Variants in TASOR2 observed in about 807,000 individuals in gnomAD.
TASOR2 encodes transcription activation suppressor family member 2.
TASOR2 carries 84 observed loss-of-function variants against 199.5 expected under a neutral mutation model. The observed-to-expected ratio is 0.42, with a 90% CI of 0.35 to 0.50. The LOEUF (loss-of-function observed/expected upper bound fraction) is 0.50. Ranked by LOEUF, TASOR2 falls within the 20% of genes least tolerant of loss-of-function variation. The probability of loss-of-function intolerance (pLI) is 0.02; values close to 1 mark genes in which losing one functional copy is unlikely to be tolerated. For synonymous variants in TASOR2, 1,103 were observed against 1,046.6 expected (o/e 1.05, Z -1.04); for missense variants, 2,796 against 2,835.9 (o/e 0.99, Z 0.32).
At chr10:5,688,395 ATTTTTTTTTT>A (rs34362647) in intron 1 of TASOR2, among the ~76,000 whole-genome samples, 80 of 99,882 alleles carry the variant, frequency 8.0e-4, no homozygotes, top group Middle Eastern at 7.1e-3. Context: ...CTAATTTTTA[ATTTTTTTTTT>A]TTTTTTTTTT....
intron 14 of TASOR2, chr10:5,743,858 T>C (rs1288663662): frequency 6.6e-6 from 1 of 151,768 alleles, no homozygotes; most frequent in African/African-American, 2.4e-5. Context: ...TAGGCTTTTG[T>C]TTTTTTGTCA....
chr10:5,738,301 T>C lies in TASOR2; in HGVS notation c.1448-1317T>C, dbSNP rs2131609246. ...AATAACTGGGTGATTTATGTGAGACTATAATATGTTAAACTACCATTTTTC... is the reference window on the plus strand; with the variant it reads ...AATAACTGGGTGATTTATGTGAGACCATAATATGTTAAACTACCATTTTTC... On this transcript the variant is annotated intron_variant, in intron 12 of 20. Transcript: ENST00000328090. This position sits in a 1 kb window ranked among gnomAD's most constrained non-coding sequence, Gnocchi z 4.7. 6.6e-6 allele frequency among the ~76,000 whole-genome samples: 1 copy of C among 152,366 alleles called. No individual in the cohort carries two copies. The highest frequency in any genetic ancestry group is 1.5e-5 in the Non-Finnish European group (1 of 68,042).
At chr10:5,747,820 T>G in exon 15 of TASOR2, 1 of 1,613,844 alleles carries the variant, frequency 6.2e-7, no homozygotes, top group Non-Finnish European at 8.5e-7. Context: ...GCAAGATAAC[T>G]TTACCCAGGT....
chr10:5,735,195 C>G (rs1835400936), intron 11 of TASOR2, 109 bp from the exon 13 acceptor site: 1 of 1,341,562 alleles, frequency 7.5e-7, no homozygotes. Flanking sequence ...TTCCCCATTA[C>G]TAAAGTTACT....
rs566478645 is a variant in TASOR2, at chr10:5,744,771, G to T, written c.2758-1408G>T. Among the ~76,000 whole-genome samples, 8 of 152,244 alleles carry T rather than the reference G, an allele frequency of 5.3e-5. No individual in the cohort carries two copies. In the East Asian group the frequency reaches 1.5e-3, roughly 29 times the overall value. ...AGCCTCCCGAGTAGCTGGGATTACA[G>T]GTGCATGCCACCACTCCTGGGTAAT... On this transcript the variant is annotated intron_variant, in intron 14 of 20. Transcript: ENST00000328090.
intron 15 of TASOR2, among the ~76,000 whole-genome samples, chr10:5,755,367 G>GT (rs1838783654): frequency 6.6e-6 from 1 of 152,002 alleles, no homozygotes; most frequent in African/African-American, 2.4e-5. Flanking sequence ...GAAGTCAGGA[G>GT]TTTGAGACCA....
At position 5,719,654 on chromosome 10, in the gene TASOR2, C is replaced by T. The variant is rs544988671; in HGVS notation, c.-99-890C>T. 3.3e-5 allele frequency among the ~76,000 whole-genome samples: 5 copies of T among 150,954 alleles called. No individual in the cohort carries two copies. The highest frequency in any genetic ancestry group is 9.7e-5 in the African/African-American group (4 of 41,164). On this transcript the variant is annotated intron_variant, in intron 3 of 20. Transcript: ENST00000328090. This position sits in a 1 kb window ranked among gnomAD's most constrained non-coding sequence, Gnocchi z 4.1. ...ACTGTGCCCAGCTGCTTGCTTTTTTCTTTTTTTTTGGAGAGACATGTAACC... is the reference window on the plus strand; with the variant it reads ...ACTGTGCCCAGCTGCTTGCTTTTTTTTTTTTTTTTGGAGAGACATGTAACC...
At position 5,738,863 on chromosome 10, in the gene TASOR2, A is replaced by G. The variant is rs1344504994; in HGVS notation, c.1448-755A>G. ...AAATACCAAGGGAAACCACTGGCAA[A>G]TGTAAATGTTCTGATTAAGGGCATA... is the stretch of plus-strand genomic sequence containing the variant. On this transcript the variant is annotated intron_variant, in intron 12 of 20. Coordinates refer to ENST00000328090, the Ensembl canonical transcript of TASOR2. The surrounding 1 kb of genome is among the most constrained non-coding windows in gnomAD (Gnocchi z 4.7). Among the ~76,000 whole-genome samples, 1 of 152,224 alleles carries G rather than the reference A, an allele frequency of 6.6e-6. No homozygotes were observed. Among genetic ancestry groups the G allele is most frequent in the Non-Finnish European group, 1.5e-5 (1 of 68,044 alleles).
chr10:5,698,544 G>A lies in TASOR2; in HGVS notation c.-288+13369G>A, dbSNP rs1476181158. 2.0e-5 allele frequency among the ~76,000 whole-genome samples: 3 copies of A among 152,112 alleles called. No homozygotes were observed. The highest frequency in any genetic ancestry group is 1.3e-4 in the Admixed American group (2 of 15,272). On this transcript the variant is annotated intron_variant, in intron 1 of 20. Coordinates refer to ENST00000328090, the Ensembl canonical transcript of TASOR2. The surrounding 1 kb of genome is among the most constrained non-coding windows in gnomAD (Gnocchi z 4.4). ...CACAAGTGGTCAAGCTACTGCCTGTGGTCTTGCCTATTTTTGTAAATAAAG... is the reference window on the plus strand; with the variant it reads ...CACAAGTGGTCAAGCTACTGCCTGTAGTCTTGCCTATTTTTGTAAATAAAG...
At chr10:5,686,664 C>T (rs987542456) in intron 1 of TASOR2, among the ~76,000 whole-genome samples, 3 of 152,282 alleles carry the variant, frequency 2.0e-5, no homozygotes, top group Middle Eastern at 3.4e-3. Flanking sequence ...CCATGCTAGC[C>T]AGCACTGGAT....
At chr10:5,688,041 T>A (rs1342092902) in intron 1 of TASOR2, among the ~76,000 whole-genome samples, 1 of 152,248 alleles carries the variant, frequency 6.6e-6, no homozygotes, top group African/African-American at 2.4e-5. Context: ...TCTCCTTTAA[T>A]GACTAGAGTC....
intron 1 of TASOR2, among the ~76,000 whole-genome samples, chr10:5,694,425 A>T (rs7909988): frequency 0.66 from 100,463 of 152,084 alleles, 33,475 homozygotes; most frequent in African/African-American, 0.74. Flanking sequence ...GCATACAACA[A>T]TGAAAAGGAC....
rs915667659 is a variant in TASOR2 at position 5,750,100 on chromosome 10, A to G, written c.6606+73A>G. On this transcript the variant is annotated intron_variant, in intron 15 of 20. Transcript: ENST00000328090. The surrounding 1 kb of genome is among the most constrained non-coding windows in gnomAD (Gnocchi z 5.4). Reference sequence around the variant, plus strand: ...GTTTTAGAAATAATAAATTTAGCATATTAGCCATCAAAAAGAAATCATGGT... The same window carrying G: ...GTTTTAGAAATAATAAATTTAGCATGTTAGCCATCAAAAAGAAATCATGGT... 1 of 1,441,622 alleles carries G rather than the reference A, an allele frequency of 6.9e-7. No individual in the cohort carries two copies. The highest frequency in any genetic ancestry group is 9.2e-7 in the Non-Finnish European group (1 of 1,086,002). 89.3% of individuals were successfully genotyped at this position (1,441,622 alleles called of 1,614,324 possible).
intron 1 of TASOR2, among the ~76,000 whole-genome samples, chr10:5,694,795 A>G (rs889686883): frequency 6.6e-6 from 1 of 152,194 alleles, no homozygotes; most frequent in Admixed American, 6.5e-5. Flanking sequence ...ACAGTCTGAC[A>G]TGTGGCTCTC....
intron 2 of TASOR2, among the ~76,000 whole-genome samples, chr10:5,715,643 GT>G (rs201986028): frequency 0.094 from 8,372 of 89,458 alleles, 281 homozygotes; most frequent in African/African-American, 0.19. Flanking sequence ...GGCAGTTTTG[GT>G]TTTTTTTTTG....
At chr10:5,726,907 A>T in exon 9 of TASOR2, 1 of 1,614,106 alleles carries the variant, frequency 6.2e-7, no homozygotes, top group Non-Finnish European at 8.5e-7. Flanking sequence ...TGCTTAGAAG[A>T]TCGAGGGTTT....
exon 15 of TASOR2, chr10:5,746,196 T>C: frequency 1.3e-6 from 2 of 1,550,642 alleles, no homozygotes; most frequent in Non-Finnish European, 1.7e-6. Context: ...GGGAAGAAGC[T>C]AAACAAGAAT....
At position 5,690,092 on chromosome 10, in the gene TASOR2, T is replaced by C. The variant is rs1298460595; in HGVS notation, c.-288+4917T>C. ...AATATCTTCCTTGTATTTGTGGTTG[T>C]ATCGTCTTTGCTTTCAATATTTAAT... is the stretch of plus-strand genomic sequence containing the variant. On this transcript the variant is annotated intron_variant, in intron 1 of 20. Transcript: ENST00000328090. The surrounding 1 kb of genome is among the most constrained non-coding windows in gnomAD (Gnocchi z 4.8). Among the ~76,000 whole-genome samples the C allele has an allele frequency of 6.6e-6, 1 of 152,196 alleles. No homozygotes were observed. The highest frequency in any genetic ancestry group is 1.5e-5 in the Non-Finnish European group (1 of 68,022).
chr10:5,692,527 C>T (rs1469224382), intron 1 of TASOR2, among the ~76,000 whole-genome samples: 2 of 152,248 alleles, frequency 1.3e-5, no homozygotes, highest in Middle Eastern at 3.4e-3. Flanking sequence ...CGACTGAGCC[C>T]GCCCAGGTCT....
Sources: gnomAD v4.1 joint callset for allele counts (sites outside exome capture counted in the v4.1 genomes callset) on GRCh38, gnomAD v4.1.1 for gene constraint, Gnocchi (gnomAD v3.1) non-coding constraint, MANE v1.5 for transcripts, NCBI Gene and HGNC (gene_info 2026-07-23, HGNC 2026-07-21) for gene names.